The following PPP2R2B variants were observed in gnomAD, a reference collection of about 807,000 sequenced individuals.
PPP2R2B encodes the protein protein phosphatase 2 regulatory subunit Bbeta, also known as serine/threonine-protein phosphatase 2A 55 kDa regulatory subunit B beta isoform.
A neutral mutation model predicts 46.0 loss-of-function variants in PPP2R2B; 5 were observed. The observed-to-expected ratio is 0.11, with a 90% CI of 0.06 to 0.23. The LOEUF (loss-of-function observed/expected upper bound fraction) is 0.23. PPP2R2B is among the 10% of genes least tolerant of loss of function. The pLI, the probability that PPP2R2B is intolerant of heterozygous loss-of-function variation, is 1.00. For synonymous variants in PPP2R2B, 215 were observed against 206.7 expected (o/e 1.04, Z -0.34); for missense variants, 367 against 575.0 (o/e 0.64, Z 3.70).
At chr5:146,749,624 T>G (rs1221019311) in intron 2 of PPP2R2B, among the ~76,000 whole-genome samples, 13 of 149,218 alleles carry the variant, frequency 8.7e-5, no homozygotes, top group African/African-American at 3.2e-4. Context: ...TTTTTTTTTT[T>G]TTCGAGATGG....
intron 2 of PPP2R2B, among the ~76,000 whole-genome samples, chr5:146,726,939 T>C (rs1251243547): frequency 1.3e-5 from 2 of 152,174 alleles, no homozygotes; most frequent in African/African-American, 4.8e-5. Flanking sequence ...ATACACATTA[T>C]GGTAAGATTT....
intron 2 of PPP2R2B, among the ~76,000 whole-genome samples, chr5:146,713,147 T>C (rs1389435240): frequency 6.6e-6 from 1 of 152,142 alleles, no homozygotes; most frequent in Non-Finnish European, 1.5e-5. Flanking sequence ...TGTGACAGAC[T>C]TCATGGGGGA....
intron 2 of PPP2R2B, among the ~76,000 whole-genome samples, chr5:146,736,628 C>T (rs1435202449): frequency 1.3e-5 from 2 of 152,180 alleles, no homozygotes; most frequent in Non-Finnish European, 2.9e-5. Context: ...TTCTTCCCAG[C>T]CCCCAGCACC....
chr5:146,777,259 G>T (rs1418163094), intron 2 of PPP2R2B, among the ~76,000 whole-genome samples: 1 of 152,072 alleles, frequency 6.6e-6, no homozygotes, highest in Admixed American at 6.5e-5. Flanking sequence ...AATAAAATGT[G>T]GCGCATATGT....
In PPP2R2B at chr5:146,950,332, C is replaced by G. The variant is rs375901411; in HGVS notation, c.79+105333G>C. On this transcript the variant is annotated intron_variant, in intron 1 of 8. Transcript: ENST00000336640. The stretch of plus-strand genomic sequence containing the variant: ...ATTTATGTTAAAGAAGTACTGTTAG[C>G]TTTTTAAAGCACCATTAAAAAAATG... Among the ~76,000 whole-genome samples the G allele has an allele frequency of 5.0e-3, 763 of 152,038 alleles. 3 individuals carry two copies. The highest frequency in any genetic ancestry group is 8.7e-3 in the Non-Finnish European group (593 of 67,960).
chr5:146,724,206 A>G (rs973243393), intron 2 of PPP2R2B, among the ~76,000 whole-genome samples: 1 of 152,114 alleles, frequency 6.6e-6, no homozygotes, highest in East Asian at 1.9e-4. Context: ...TAGGATTCCC[A>G]CATGATTTCA....
Position 146,589,423 on chromosome 5 carries a change from AGGAAAAT to A in PPP2R2B, c.*517_*523del, listed in dbSNP as rs762114778. On this transcript the variant is annotated 3_prime_UTR_variant, in exon 10 of 10. Coordinates refer to ENST00000394411, the MANE Select transcript of PPP2R2B (RefSeq NM_181675.4). ...CTCTGGCTTAAATGAAATTGTTCAA[AGGAAAAT>A]GGAAAATGGAAAAAAAAATGGTGGA... The A allele has an allele frequency of 4.6e-4, 71 of 154,178 alleles. No individual in the cohort carries two copies. The highest frequency in any genetic ancestry group is 1.1e-3 in the African/African-American group (45 of 41,566). 9.6% of individuals were successfully genotyped at this position (154,178 alleles called of 1,614,324 possible). A position where few individuals can be genotyped will look rare whatever the true frequency, so the allele number is the denominator to read the frequency against.
At chr5:146,730,959 G>A (rs146385089) in intron 2 of PPP2R2B, among the ~76,000 whole-genome samples, 24 of 152,258 alleles carry the variant, frequency 1.6e-4, no homozygotes, top group African/African-American at 5.3e-4. Flanking sequence ...AACCGATGAG[G>A]CCTTCGAGGC....
intron 5 of PPP2R2B, among the ~76,000 whole-genome samples, chr5:146,685,732 GA>G (rs1347842517): frequency 1.3e-5 from 2 of 152,166 alleles, no homozygotes; most frequent in African/African-American, 4.8e-5. Flanking sequence ...TTTAGTTCTG[GA>G]GATTCATGAG....
At chr5:146,718,562 G>A (rs1337088463) in intron 2 of PPP2R2B, among the ~76,000 whole-genome samples, 1 of 152,058 alleles carries the variant, frequency 6.6e-6, no homozygotes, top group Non-Finnish European at 1.5e-5. Context: ...ATCCACATTT[G>A]CTTCATTCTA....
chr5:146,734,402 T>G (rs1752418416), intron 2 of PPP2R2B, among the ~76,000 whole-genome samples: 1 of 152,236 alleles, frequency 6.6e-6, no homozygotes, highest in African/African-American at 2.4e-5. Context: ...GTATACAATA[T>G]CTCATTCAGT....
chr5:146,704,156 T>A (rs890186246), intron 2 of PPP2R2B, among the ~76,000 whole-genome samples: 2 of 152,226 alleles, frequency 1.3e-5, no homozygotes, highest in African/African-American at 4.8e-5. Context: ...TCTATGACTG[T>A]TTAATAATTG....
chr5:146,996,924 G>A (rs1160427453), intron 1 of PPP2R2B, among the ~76,000 whole-genome samples: 1 of 152,014 alleles, frequency 6.6e-6, no homozygotes, highest in African/African-American at 2.4e-5. Context: ...GCCCTACTTG[G>A]TCAATGCCAA....
At chr5:146,632,945 G>T (rs886789593) in intron 7 of PPP2R2B, among the ~76,000 whole-genome samples, 1 of 152,172 alleles carries the variant, frequency 6.6e-6, no homozygotes, top group Non-Finnish European at 1.5e-5. Flanking sequence ...TTGGAAAGGA[G>T]TTCAGGCTTA....
At chr5:146,945,868 A>T (rs1325786784) in intron 1 of PPP2R2B, among the ~76,000 whole-genome samples, 1 of 152,160 alleles carries the variant, frequency 6.6e-6, no homozygotes. Flanking sequence ...CACGTGTCAG[A>T]TCTTTCTAAT....
intron 2 of PPP2R2B, among the ~76,000 whole-genome samples, chr5:146,809,914 G>A (rs1040079207): frequency 5.9e-5 from 9 of 152,182 alleles, no homozygotes; most frequent in African/African-American, 1.9e-4. Flanking sequence ...TAGTACTGGG[G>A]ATAGAGATAA....
intron 7 of PPP2R2B, among the ~76,000 whole-genome samples, chr5:146,605,524 G>A (rs989005166): frequency 3.3e-5 from 5 of 152,084 alleles, no homozygotes; most frequent in Non-Finnish European, 7.3e-5. Flanking sequence ...GACAATTTTG[G>A]GAGTTGACAA....
At chr5:146,677,414 A>G (rs941222191) in intron 5 of PPP2R2B, among the ~76,000 whole-genome samples, 1 of 152,258 alleles carries the variant, frequency 6.6e-6, no homozygotes, top group East Asian at 1.9e-4. Context: ...AATGAAGTAC[A>G]TGCCGTCACC....
At chr5:146,780,231 A>G (rs1299324334) in intron 2 of PPP2R2B, among the ~76,000 whole-genome samples, 1 of 152,240 alleles carries the variant, frequency 6.6e-6, no homozygotes, top group Non-Finnish European at 1.5e-5. Context: ...GAAGTAGTAC[A>G]TGTTTAATAA....
Sources: gnomAD v4.1 joint callset for allele counts (sites outside exome capture counted in the v4.1 genomes callset) on GRCh38, gnomAD v4.1.1 for gene constraint, MANE v1.5 for transcripts, NCBI Gene and HGNC (gene_info 2026-07-23, HGNC 2026-07-21) for gene names.